Variants in SH2D3C observed in about 807,000 individuals in gnomAD.
SH2D3C encodes the protein SH2 domain-containing protein 3C.
A neutral mutation model predicts 75.2 loss-of-function variants in SH2D3C; 25 were observed. That is an observed-to-expected ratio of 0.33 (90% CI 0.24 to 0.46). The LOEUF is 0.46. Ranked by LOEUF, SH2D3C falls within the 20% of genes least tolerant of loss-of-function variation. SH2D3C has a pLI of 1.00. For synonymous variants in SH2D3C, 450 were observed against 473.7 expected (o/e 0.95, Z 0.65); for missense variants, 933 against 1,165.3 (o/e 0.80, Z 2.90).
intron 1 of SH2D3C, among the ~76,000 whole-genome samples, chr9:127,776,674 C>T (rs553363080): frequency 1.3e-5 from 2 of 152,350 alleles, no homozygotes; most frequent in South Asian, 4.1e-4. Context: ...TGCTGGGATG[C>T]AGGTAGGATG....
chr9:127,776,372 G>A (rs1218309265), intron 1 of SH2D3C, among the ~76,000 whole-genome samples: 4 of 151,900 alleles, frequency 2.6e-5, no homozygotes, highest in Admixed American at 2.0e-4. Context: ...TGGGGTGGGG[G>A]TGGAATGAGG....
At chr9:127,767,987 G>A (rs551896473) in intron 2 of SH2D3C, among the ~76,000 whole-genome samples, 2 of 152,186 alleles carry the variant, frequency 1.3e-5, no homozygotes, top group Admixed American at 6.5e-5. Flanking sequence ...GCTAGGGGCC[G>A]GGGGAACAGC....
At chr9:127,746,023 A>G (rs1845019872) in intron 6 of SH2D3C, among the ~76,000 whole-genome samples, 1 of 152,246 alleles carries the variant, frequency 6.6e-6, no homozygotes, top group Non-Finnish European at 1.5e-5. Flanking sequence ...TGAAGCTCAG[A>G]GAGGTGCACT....
chr9:127,740,695 T>A (rs1408294134), intron 9 of SH2D3C, among the ~76,000 whole-genome samples: 1 of 152,256 alleles, frequency 6.6e-6, no homozygotes, highest in Non-Finnish European at 1.5e-5. Flanking sequence ...ATTATTTTGT[T>A]TTTGAGACGG....
chr9:127,755,009 T>C (rs983824449), intron 3 of SH2D3C: 35 of 767,186 alleles, frequency 4.6e-5, no homozygotes, highest in Non-Finnish European at 5.5e-5. Flanking sequence ...CGGCTGGCTC[T>C]AGGGCCCCGG....
chr9:127,755,143 C>T (rs1165000522), intron 3 of SH2D3C: 13 of 1,219,500 alleles, frequency 1.1e-5, no homozygotes, highest in Non-Finnish European at 1.3e-5. Context: ...ACTCCACAGG[C>T]TGCACCGCTC....
chr9:127,747,437 TGA>T (rs1321728091), intron 5 of SH2D3C, among the ~76,000 whole-genome samples, 166 bp from the exon 6 acceptor site: 1 of 152,120 alleles, frequency 6.6e-6, no homozygotes, highest in Non-Finnish European at 1.5e-5. Flanking sequence ...GAAGCCCAGA[TGA>T]GGGAGGGGGC....
At position 127,739,613 on chromosome 9, in the gene SH2D3C, G is replaced by A. The variant is rs1844787868; in HGVS notation, c.2407+69C>T. On this transcript the variant is annotated intron_variant, in intron 11 of 11. Coordinates refer to ENST00000314830, the MANE Select transcript of SH2D3C (RefSeq NM_170600.3). This position sits in a 1 kb window ranked among gnomAD's most constrained non-coding sequence, Gnocchi z 4.3. ...ATGTGAATGGATGCCTTGGAGAAAAGGGAAGCAGTGAGGCAGGTGGAGGGA... is the reference window on the plus strand; with the variant it reads ...ATGTGAATGGATGCCTTGGAGAAAAAGGAAGCAGTGAGGCAGGTGGAGGGA... 1.4e-6 allele frequency: 2 copies of A among 1,410,702 alleles called. No individual in the cohort carries two copies. Among genetic ancestry groups the A allele is most frequent in the Non-Finnish European group, 2.0e-6 (2 of 1,022,018 alleles). The allele number at this position is 1,410,702 out of a possible 1,614,324, so 87.4% of individuals were successfully genotyped here.
intron 2 of SH2D3C, 37 bp downstream of exon 2, chr9:127,773,953 C>T (rs745998910): frequency 8.2e-7 from 1 of 1,226,278 alleles, no homozygotes; most frequent in Non-Finnish European, 1.2e-6. Flanking sequence ...AAACAGAAGC[C>T]ATCCCTGCAG....
Position 127,774,537 on chromosome 9 carries a change from C to T in SH2D3C, c.38-70G>A. On this transcript the variant is annotated intron_variant, in intron 1 of 11. Coordinates refer to ENST00000314830, the MANE Select transcript of SH2D3C (RefSeq NM_170600.3). The surrounding 1 kb of genome is among the most constrained non-coding windows in gnomAD (Gnocchi z 4.3). ...ACATCAGTGATAATAATGAACAATT[C>T]CTGCAGTTTCACTCGGTGAGGGGCT... The T allele has an allele frequency of 1.2e-6, 1 of 850,106 alleles. No individual in the cohort carries two copies. 52.7% of individuals were successfully genotyped at this position (850,106 alleles called of 1,614,324 possible).
At chr9:127,755,176 C>G in intron 3 of SH2D3C, 1 of 1,212,980 alleles carries the variant, frequency 8.2e-7, no homozygotes, top group African/African-American at 1.6e-5. Flanking sequence ...GCCAGGCTGC[C>G]GGGGCCGGGA....
At chr9:127,766,035 C>T (rs144052886) in intron 2 of SH2D3C, among the ~76,000 whole-genome samples, 276 of 152,268 alleles carry the variant, frequency 1.8e-3, no homozygotes, top group African/African-American at 6.3e-3. Context: ...AATTAAAGCC[C>T]ATTATCCTTA....
rs746319447 is a variant in SH2D3C at position 127,774,271 on chromosome 9, G to A, written c.234C>T (p.Gly78=). 10 of 1,614,010 alleles carry A rather than the reference G, an allele frequency of 6.2e-6. No individual in the cohort carries two copies. The Admixed American group carries it at 1.7e-4, about 27-fold the overall frequency. The part of the protein sequence containing the change: ...ARSSDMYSHM[G]TMPRPSIKKA... Reference sequence around the variant, plus strand: ...TCTTGATGCTGGGGCGAGGCATGGTGCCCATGTGGCTGTACATGTCACTGG... The same window carrying A: ...TCTTGATGCTGGGGCGAGGCATGGTACCCATGTGGCTGTACATGTCACTGG... The change falls in exon 2 of 12, where the codon GGC becomes GGT. Residue 78 remains glycine, a synonymous_variant. Transcript: ENST00000314830. This position sits in a 1 kb window ranked among gnomAD's most constrained non-coding sequence, Gnocchi z 4.3.
At chr9:127,772,990 C>T (rs1295396146) in intron 2 of SH2D3C, among the ~76,000 whole-genome samples, 2 of 152,044 alleles carry the variant, frequency 1.3e-5, no homozygotes, top group African/African-American at 2.4e-5. Context: ...CGCACCACCA[C>T]GCCCTGCTAG....
At chr9:127,762,289 G>T (rs774507200) in intron 2 of SH2D3C, 29 of 1,269,682 alleles carry the variant, frequency 2.3e-5, no homozygotes, top group Admixed American at 5.3e-5. Flanking sequence ...CCTCCTGAGG[G>T]CCACCGTGAA....
In SH2D3C at chr9:127,751,908, G is replaced by A. The variant is rs1468878889; in HGVS notation, c.556-608C>T. 6.6e-6 allele frequency among the ~76,000 whole-genome samples: 1 copy of A among 152,144 alleles called. No homozygotes were observed. The highest frequency in any genetic ancestry group is 1.5e-5 in the Non-Finnish European group (1 of 68,018). ...GGGATGGTGCATTCTACAATGCAAG[G>A]GTGGGGAAGGGACTATAAACAGGGA... On this transcript the variant is annotated intron_variant, in intron 3 of 11. Coordinates refer to ENST00000314830, the MANE Select transcript of SH2D3C (RefSeq NM_170600.3). This position sits in a 1 kb window ranked among gnomAD's most constrained non-coding sequence, Gnocchi z 4.1.
At chr9:127,766,986 C>T in intron 2 of SH2D3C, 1 of 1,536,182 alleles carries the variant, frequency 6.5e-7, no homozygotes, top group Non-Finnish European at 8.7e-7. Context: ...GGTGGAAAGC[C>T]CCGTCTCTGC....
At position 127,744,699 on chromosome 9, in the gene SH2D3C, C is replaced by T. The variant is rs754277026; in HGVS notation, c.1665G>A (p.Pro555=). 4.3e-5 allele frequency: 70 copies of T among 1,614,044 alleles called. No individual in the cohort carries two copies. Among genetic ancestry groups the T allele is most frequent in the African/African-American group, 1.3e-4 (10 of 74,904 alleles). Residue 555 remains proline (P), a synonymous_variant, in exon 7 of 12, where the codon CCG becomes CCA. Coordinates refer to ENST00000314830, the MANE Select transcript of SH2D3C (RefSeq NM_170600.3). ...GGATCAGTAGTGACTGGAAGGTGGC[C>T]GGGTTGAAGGAAGAAGTGACTTCCA... is the stretch of plus-strand genomic sequence containing the variant. ...PIVEVTSSFN[P]ATFQSLLIPR...
At chr9:127,750,155 ATTG>A (rs1411332505) in intron 4 of SH2D3C, among the ~76,000 whole-genome samples, 1 of 142,528 alleles carries the variant, frequency 7.0e-6, no homozygotes, top group South Asian at 2.1e-4. Context: ...TATTATTATT[ATTG>A]TTATTATTAT....
Sources: allele counts gnomAD v4.1 joint callset (sites outside exome capture counted in the v4.1 genomes callset), GRCh38; gene constraint gnomAD v4.1.1; non-coding constraint Gnocchi (gnomAD v3.1); transcripts MANE v1.5; gene names NCBI Gene and HGNC (gene_info 2026-07-23, HGNC 2026-07-21).